The following PLGRKT variants were observed in gnomAD, a reference collection of about 807,000 sequenced individuals.
PLGRKT encodes plasminogen receptor (KT).
PLGRKT carries 22 observed loss-of-function variants against 18.5 expected under a neutral mutation model. The ratio of observed to expected loss-of-function variants is 1.19; its 90% CI spans 0.85 to 1.70. PLGRKT has a LOEUF of 1.70. PLGRKT is among the 40% of genes most tolerant of loss of function. The pLI is 0.00. For synonymous variants in PLGRKT, 72 were observed against 52.8 expected, an observed-to-expected ratio of 1.36 and a Z score of -1.58; for missense variants, 235 against 174.4, an observed-to-expected ratio of 1.35 and a Z score of -1.96.
chr9:5,366,368 G>A (rs7024755), intron 3 of PLGRKT, among the ~76,000 whole-genome samples: 8 of 152,002 alleles, frequency 5.3e-5, no homozygotes, highest in Admixed American at 1.3e-4. Flanking sequence ...ATTCTTTATC[G>A]TATTTTAAAA....
At chr9:5,386,838 C>A (rs1330289684) in intron 3 of PLGRKT, among the ~76,000 whole-genome samples, 1 of 151,946 alleles carries the variant, frequency 6.6e-6, no homozygotes, top group Non-Finnish European at 1.5e-5. Flanking sequence ...TAAGGTCACA[C>A]AGGAACCCTA....
At chr9:5,405,579 C>T (rs1373944251) in intron 3 of PLGRKT, among the ~76,000 whole-genome samples, 1 of 152,150 alleles carries the variant, frequency 6.6e-6, no homozygotes, top group Non-Finnish European at 1.5e-5. Context: ...GAAACTGGAT[C>T]CCTTCCTTAC....
At chr9:5,397,979 T>C (rs1022583860) in intron 3 of PLGRKT, among the ~76,000 whole-genome samples, 2 of 151,992 alleles carry the variant, frequency 1.3e-5, no homozygotes, top group African/African-American at 4.9e-5. Flanking sequence ...AGCTGAGATC[T>C]GTGCAAATAG....
intron 2 of PLGRKT, among the ~76,000 whole-genome samples, chr9:5,433,804 T>C (rs1201436639): frequency 8.5e-6 from 1 of 118,104 alleles, no homozygotes; most frequent in Non-Finnish European, 1.7e-5. Flanking sequence ...GGCTGCCCCG[T>C]CTGGGAAGTG....
chr9:5,406,607 G>T (rs972764630), intron 3 of PLGRKT, among the ~76,000 whole-genome samples: 32 of 152,032 alleles, frequency 2.1e-4, no homozygotes, highest in Non-Finnish European at 1.0e-4. Flanking sequence ...GGGCCTGTTG[G>T]GGGAGGGTGG....
chr9:5,427,886 G>C (rs563595451), intron 3 of PLGRKT, among the ~76,000 whole-genome samples: 1 of 152,254 alleles, frequency 6.6e-6, no homozygotes, highest in African/African-American at 2.4e-5. Context: ...CCTAGATGGT[G>C]GTGAGGATGG....
chr9:5,438,279 C>T (rs533830692), upstream of PLGRKT, among the ~76,000 whole-genome samples: 12 of 152,328 alleles, frequency 7.9e-5, no homozygotes, highest in African/African-American at 2.9e-4. Flanking sequence ...CTCGCCTCAA[C>T]CTCACCAGCA....
intron 3 of PLGRKT, among the ~76,000 whole-genome samples, chr9:5,424,603 A>G (rs1818650592): frequency 7.6e-6 from 1 of 132,188 alleles, no homozygotes; most frequent in Non-Finnish European, 1.5e-5. Context: ...CAGTAATATA[A>G]TATATTATTT....
At chr9:5,396,974 T>C (rs577197216) in intron 3 of PLGRKT, among the ~76,000 whole-genome samples, 29 of 152,078 alleles carry the variant, frequency 1.9e-4, no homozygotes, top group Admixed American at 1.0e-3. Flanking sequence ...ACAGTGACAA[T>C]AAAGGCAAAC....
chr9:5,428,368 C>T (rs1356347215), intron 3 of PLGRKT, among the ~76,000 whole-genome samples: 1 of 152,162 alleles, frequency 6.6e-6, no homozygotes, highest in African/African-American at 2.4e-5. Context: ...AATTTTATGG[C>T]TCTGTTGGAC....
chr9:5,384,301 C>A (rs982486764), intron 3 of PLGRKT, among the ~76,000 whole-genome samples: 1 of 152,122 alleles, frequency 6.6e-6, no homozygotes, highest in Non-Finnish European at 1.5e-5. Context: ...CAGAACAGAA[C>A]AAGACAGGGG....
intron 3 of PLGRKT, among the ~76,000 whole-genome samples, chr9:5,372,823 T>G (rs1353174336): frequency 2.0e-5 from 3 of 152,214 alleles, no homozygotes; most frequent in Admixed American, 2.0e-4. Flanking sequence ...TAGGCAGGCA[T>G]GCTATTAGGG....
chr9:5,385,423 C>A (rs62557757), intron 3 of PLGRKT, among the ~76,000 whole-genome samples: 6,744 of 151,530 alleles, frequency 0.045, 282 homozygotes, highest in African/African-American at 0.079. Flanking sequence ...GTCTCGATCT[C>A]CTGACCTCAT....
chr9:5,380,906 G>A (rs1160528276), intron 3 of PLGRKT, among the ~76,000 whole-genome samples: 1 of 152,186 alleles, frequency 6.6e-6, no homozygotes, highest in African/African-American at 2.4e-5. Flanking sequence ...TTGGATCATG[G>A]TGGGTGGTTC....
intron 3 of PLGRKT, among the ~76,000 whole-genome samples, chr9:5,429,664 G>A (rs941080512): frequency 1.3e-5 from 2 of 152,140 alleles, no homozygotes; most frequent in Non-Finnish European, 2.9e-5. Flanking sequence ...CTGAATTGGG[G>A]CCCATTCTAA....
At chr9:5,419,525 C>T (rs1221439140) in intron 3 of PLGRKT, among the ~76,000 whole-genome samples, 2 of 151,954 alleles carry the variant, frequency 1.3e-5, no homozygotes, top group Admixed American at 6.6e-5. Context: ...CAGCGGCCGC[C>T]GCGAGCCACA....
At chr9:5,411,715 T>C (rs148538011) in intron 3 of PLGRKT, among the ~76,000 whole-genome samples, 23 of 152,324 alleles carry the variant, frequency 1.5e-4, no homozygotes, top group Middle Eastern at 3.4e-3. Flanking sequence ...TAAGAATATA[T>C]TTCCAATTAC....
chr9:5,368,344 A>C (rs1037340430), intron 3 of PLGRKT, among the ~76,000 whole-genome samples: 2 of 152,234 alleles, frequency 1.3e-5, no homozygotes, highest in African/African-American at 4.8e-5. Flanking sequence ...GTGCCCATCA[A>C]TGGTGGATTG....
chr9:5,403,597 G>T (rs1311516935), intron 3 of PLGRKT, among the ~76,000 whole-genome samples: 1 of 152,220 alleles, frequency 6.6e-6, no homozygotes, highest in African/African-American at 2.4e-5. Flanking sequence ...GCAACGATAA[G>T]ATTGTTCTAC....
Sources: allele counts gnomAD v4.1 joint callset (sites outside exome capture counted in the v4.1 genomes callset), GRCh38; gene constraint gnomAD v4.1.1; transcripts MANE v1.5; gene names NCBI Gene and HGNC (gene_info 2026-07-23, HGNC 2026-07-21).